Variants in NELL1 observed in about 807,000 individuals in gnomAD.
The protein encoded by NELL1 is neural EGFL like 1, also known as protein kinase C-binding protein NELL1.
NELL1 carries 76 observed loss-of-function variants against 107.4 expected under a neutral mutation model. The ratio of observed to expected loss-of-function variants is 0.71; its 90% CI spans 0.59 to 0.86. The LOEUF is 0.86. Ranked by LOEUF, NELL1 falls within the 40% of genes least tolerant of loss-of-function variation. The pLI is 0.00. For missense variants in NELL1, 1,024 were observed against 1,005.5 expected (o/e 1.02, Z -0.25); for synonymous variants, 353 against 341.2 (o/e 1.03, Z -0.38).
At chr11:21,328,871 C>G (rs1048929527) in intron 14 of NELL1, among the ~76,000 whole-genome samples, 2 of 152,174 alleles carry the variant, frequency 1.3e-5, no homozygotes, top group East Asian at 3.9e-4. Context: ...TGGCCAATTT[C>G]TCCCATTTTT....
chr11:21,446,959 T>C (rs896312389), intron 15 of NELL1, among the ~76,000 whole-genome samples: 4 of 152,336 alleles, frequency 2.6e-5, no homozygotes, highest in African/African-American at 9.6e-5. Flanking sequence ...TCTATTCTAC[T>C]GCGTTTAAGC....
At chr11:21,329,028 G>A (rs1440268483) in intron 14 of NELL1, among the ~76,000 whole-genome samples, 2 of 152,122 alleles carry the variant, frequency 1.3e-5, no homozygotes, top group Non-Finnish European at 2.9e-5. Flanking sequence ...ATGCTGAAAT[G>A]AGTTAAGACT....
At chr11:20,983,971 T>C (rs1337035262) in intron 12 of NELL1, among the ~76,000 whole-genome samples, 1 of 152,112 alleles carries the variant, frequency 6.6e-6, no homozygotes, top group Non-Finnish European at 1.5e-5. Context: ...CAGTAACATA[T>C]CTTCTAGTCC....
At chr11:21,017,436 G>A (rs1470834545) in intron 12 of NELL1, among the ~76,000 whole-genome samples, 3 of 151,994 alleles carry the variant, frequency 2.0e-5, no homozygotes, top group Non-Finnish European at 2.9e-5. Flanking sequence ...CAGCTTTTGT[G>A]TTCCTAGTTC....
At chr11:20,789,787 T>C (rs1441928242) in intron 3 of NELL1, among the ~76,000 whole-genome samples, 1 of 152,144 alleles carries the variant, frequency 6.6e-6, no homozygotes, top group Non-Finnish European at 1.5e-5. Flanking sequence ...CAGCTCCTAA[T>C]AGAGAGGAGA....
intron 3 of NELL1, among the ~76,000 whole-genome samples, chr11:20,829,512 C>T (rs1857960907): frequency 6.6e-6 from 1 of 152,084 alleles, no homozygotes; most frequent in African/African-American, 2.4e-5. Context: ...AGGTGTGAGC[C>T]ACTGCACCTG....
At chr11:20,779,408 A>G (rs1046014749) in intron 2 of NELL1, among the ~76,000 whole-genome samples, 2 of 152,142 alleles carry the variant, frequency 1.3e-5, no homozygotes, top group Non-Finnish European at 2.9e-5. Context: ...CAGGTTTCTA[A>G]CTTGCTCTCT....
chr11:20,825,353 C>T lies in NELL1; in HGVS notation c.336-22230C>T, dbSNP rs1857857723. 4.0e-5 allele frequency among the ~76,000 whole-genome samples: 6 copies of T among 151,188 alleles called. No individual in the cohort carries two copies. The Admixed American group carries it at 4.0e-4, about 10-fold the overall frequency. ...GACCCCAGAATGGTAGATCTACCGA[C>T]ATCTTGTGCCATGAACCTGGAAAAG... On this transcript the variant is annotated intron_variant, in intron 3 of 19. Transcript: ENST00000357134.
chr11:20,938,112 A>G lies in NELL1; in HGVS notation c.1071+253A>G, dbSNP rs1000460000. Among the ~76,000 whole-genome samples the G allele has an allele frequency of 2.6e-5, 4 of 152,270 alleles. No individual in the cohort carries two copies. The South Asian group carries it at 8.3e-4, about 32-fold the overall frequency. ...CAAGGATGTGAGAGGAGAAAGAACT[A>G]ACAGCTGTTATTAGTTAGGGAGGCT... On this transcript the variant is annotated intron_variant, in intron 10 of 19. Transcript: ENST00000357134.
intron 14 of NELL1, among the ~76,000 whole-genome samples, chr11:21,242,552 A>T (rs1295062287): frequency 6.6e-6 from 1 of 152,146 alleles, no homozygotes; most frequent in Non-Finnish European, 1.5e-5. Context: ...AAAATGCTAC[A>T]TGAATAAAAT....
intron 1 of NELL1, among the ~76,000 whole-genome samples, chr11:20,675,239 TG>T (rs1316663472): frequency 6.6e-6 from 1 of 152,160 alleles, no homozygotes; most frequent in African/African-American, 2.4e-5. Context: ...AATCAAGAGA[TG>T]GGGAGGTTTA....
chr11:21,377,244 T>G (rs965224711), intron 15 of NELL1, among the ~76,000 whole-genome samples: 1 of 152,124 alleles, frequency 6.6e-6, no homozygotes, highest in Non-Finnish European at 1.5e-5. Flanking sequence ...GTTGAGAGTT[T>G]TCATCATGAA....
At chr11:20,707,899 A>G (rs777280257) in intron 2 of NELL1, among the ~76,000 whole-genome samples, 1 of 152,236 alleles carries the variant, frequency 6.6e-6, no homozygotes, top group Non-Finnish European at 1.5e-5. Flanking sequence ...TTAAGTCTGC[A>G]GAACTTTCTG....
chr11:21,133,172 G>A (rs1855664024), intron 13 of NELL1, among the ~76,000 whole-genome samples: 1 of 152,154 alleles, frequency 6.6e-6, no homozygotes. Flanking sequence ...AGGTCATCTT[G>A]ATGAAGAGAC....
Position 21,068,653 on chromosome 11 carries a change from G to A in NELL1, c.1301-44936G>A, listed in dbSNP as rs546068019. Reference sequence around the variant, plus strand: ...AGATAAATGGGTGCAGCCAGTGGGCGGGGCTGCTGAGCAAAAAGGCCAGTC... The same window carrying A: ...AGATAAATGGGTGCAGCCAGTGGGCAGGGCTGCTGAGCAAAAAGGCCAGTC... On this transcript the variant is annotated intron_variant, in intron 12 of 19. Transcript: ENST00000357134. Among the ~76,000 whole-genome samples the A allele has an allele frequency of 2.5e-4, 38 of 152,232 alleles. 1 individual carries two copies. The highest frequency in any genetic ancestry group is 1.2e-3 in the South Asian group (6 of 4,814).
At chr11:20,839,837 G>A (rs909769543) in intron 3 of NELL1, among the ~76,000 whole-genome samples, 1 of 152,176 alleles carries the variant, frequency 6.6e-6, no homozygotes, top group African/African-American at 2.4e-5. Context: ...AGTACCAGAA[G>A]TTTGTCTGGG....
intron 2 of NELL1, among the ~76,000 whole-genome samples, chr11:20,719,779 A>C (rs571379688): frequency 6.6e-6 from 1 of 152,362 alleles, no homozygotes; most frequent in East Asian, 1.9e-4. Context: ...ATGAAATAAG[A>C]GTGAAACTTG....
intron 12 of NELL1, among the ~76,000 whole-genome samples, chr11:21,075,696 G>C (rs985942008): frequency 6.6e-6 from 1 of 152,174 alleles, no homozygotes; most frequent in Non-Finnish European, 1.5e-5. Context: ...TCCTCCTAAA[G>C]TGCTGGGATT....
chr11:21,101,959 T>G (rs1854828450), intron 12 of NELL1, among the ~76,000 whole-genome samples: 1 of 152,160 alleles, frequency 6.6e-6, no homozygotes, highest in Non-Finnish European at 1.5e-5. Flanking sequence ...TTTGAGCGAT[T>G]AATCTGCCTC....
Sources: gnomAD v4.1 joint callset for allele counts (sites outside exome capture counted in the v4.1 genomes callset) on GRCh38, gnomAD v4.1.1 for gene constraint, MANE v1.5 for transcripts, NCBI Gene and HGNC (gene_info 2026-07-23, HGNC 2026-07-21) for gene names.